Variants in SCUBE1 observed in about 807,000 individuals in gnomAD.
SCUBE1 encodes signal peptide, CUB domain and EGF like domain containing 1.
Under a neutral mutation model 124.4 loss-of-function variants are expected in SCUBE1, and 59 were observed. The ratio of observed to expected loss-of-function variants is 0.47; its 90% CI spans 0.38 to 0.59. The LOEUF is 0.59. Ranked by LOEUF, SCUBE1 falls within the 20% of genes least tolerant of loss-of-function variation. The pLI, the probability that SCUBE1 is intolerant of heterozygous loss-of-function variation, is 0.00. For missense variants in SCUBE1, 1,150 were observed against 1,371.2 expected (o/e 0.84, Z 2.55); for synonymous variants, 545 against 550.9 (o/e 0.99, Z 0.15).
At chr22:43,259,213 C>T (rs1923781202) in intron 5 of SCUBE1, among the ~76,000 whole-genome samples, 1 of 152,180 alleles carries the variant, frequency 6.6e-6, no homozygotes, top group African/African-American at 2.4e-5. Flanking sequence ...AAGTGCTCCC[C>T]AGGGGGTGCA....
rs185146861 is a variant in SCUBE1, at chr22:43,213,015, A to C, written c.2054-423T>G. ...TCAGGGTGACGCTGCCTGGTCTACC[A>C]GCAGGGCCAGGCCAGAGCAGAGGGA... On this transcript the variant is annotated intron_variant, in intron 16 of 21. Coordinates refer to ENST00000360835, the MANE Select transcript of SCUBE1 (RefSeq NM_173050.5). 11 of 224,688 alleles carry C rather than the reference A, an allele frequency of 4.9e-5. No individual in the cohort carries two copies. The East Asian group carries it at 1.7e-3, about 35-fold the overall frequency. 13.9% of individuals were successfully genotyped at this position (224,688 alleles called of 1,614,324 possible). A position where few individuals can be genotyped will look rare whatever the true frequency, so the allele number is the denominator to read the frequency against.
At chr22:43,312,583 C>G (rs1207629193) in intron 3 of SCUBE1, among the ~76,000 whole-genome samples, 1 of 152,220 alleles carries the variant, frequency 6.6e-6, no homozygotes, top group Non-Finnish European at 1.5e-5. Context: ...GGGCTCCGTA[C>G]AGTTGGATGG....
intron 13 of SCUBE1, 40 bp downstream of exon 13, chr22:43,221,133 G>A: frequency 6.6e-7 from 1 of 1,518,672 alleles, no homozygotes; most frequent in Non-Finnish European, 9.1e-7. Flanking sequence ...CTCTCCTACA[G>A]CCCCGTTGGT....
At position 43,208,123 on chromosome 22, in the gene SCUBE1, T is replaced by C. The variant is rs1392433529; in HGVS notation, c.2683A>G (p.Asn895Asp). Residue 895 changes from asparagine (N) to aspartate (D), a missense_variant, in exon 20 of 22, where the codon AAT (asparagine) becomes GAT (aspartate). Around this residue, in one of 3 missense-constraint regions of SCUBE1, gnomAD observed 757 missense variants for 840.9 expected, o/e 0.90. Coordinates refer to ENST00000360835, the MANE Select transcript of SCUBE1 (RefSeq NM_173050.5). ...AAGCCTTTGCCGCTGTTGCCTTCAT[T>C]GGATTTGAACTGGATCCAGAGCTTG... ...SRKLWIQFKSNEGNSGKGFQV... is the reference protein window; with the variant it reads ...SRKLWIQFKSDEGNSGKGFQV... 1.2e-6 allele frequency: 2 copies of C among 1,614,006 alleles called. No homozygotes were observed. Among genetic ancestry groups the C allele is most frequent in the Non-Finnish European group, 1.7e-6 (2 of 1,180,024 alleles).
Position 43,255,698 on chromosome 22 carries a change from C to T in SCUBE1, c.727+2521G>A. Reference sequence around the variant, plus strand: ...AAAGCCAACACAACACGCCGGCCAGCTCGGCATCCTCGCCAAGGGGCTAAT... The same window carrying T: ...AAAGCCAACACAACACGCCGGCCAGTTCGGCATCCTCGCCAAGGGGCTAAT... On this transcript the variant is annotated intron_variant, in intron 6 of 21. Coordinates refer to ENST00000360835, the MANE Select transcript of SCUBE1 (RefSeq NM_173050.5). This position sits in a 1 kb window ranked among gnomAD's most constrained non-coding sequence, Gnocchi z 4.7. 2 of 803,714 alleles carry T rather than the reference C, an allele frequency of 2.5e-6. No homozygotes were observed. Among genetic ancestry groups the T allele is most frequent in the Non-Finnish European group, 4.1e-6 (2 of 489,956 alleles). The allele number at this position is 803,714 out of a possible 1,614,324, so 49.8% of individuals were successfully genotyped here.
In SCUBE1 at chr22:43,303,287, C is replaced by G. The variant is rs577801432; in HGVS notation, c.350-12107G>C. Among the ~76,000 whole-genome samples the G allele has an allele frequency of 2.4e-3, 362 of 152,350 alleles. 1 individual carries two copies. The highest frequency in any genetic ancestry group is 7.6e-3 in the African/African-American group (315 of 41,588). On this transcript the variant is annotated intron_variant, in intron 3 of 21. Coordinates refer to ENST00000360835, the MANE Select transcript of SCUBE1 (RefSeq NM_173050.5). ...TCCTCACCTACCAGGTATCCTTGAG[C>G]GTGAGCGTCCTTGGCACACGCCAGG...
chr22:43,206,160 C>G (rs1312355944), intron 21 of SCUBE1, among the ~76,000 whole-genome samples: 1 of 138,486 alleles, frequency 7.2e-6, no homozygotes, highest in African/African-American at 2.7e-5. Context: ...ACACACCCCC[C>G]CAAACACACC....
chr22:43,269,932 C>CA (rs1924228500), intron 4 of SCUBE1, among the ~76,000 whole-genome samples: 1 of 152,192 alleles, frequency 6.6e-6, no homozygotes. Flanking sequence ...CTCCCACGTT[C>CA]ATCAGGGCTG....
At chr22:43,251,067 G>A (rs970089586) in intron 6 of SCUBE1, among the ~76,000 whole-genome samples, 25 of 152,280 alleles carry the variant, frequency 1.6e-4, no homozygotes, top group Admixed American at 1.3e-4. Flanking sequence ...GAGACTCACT[G>A]GAAAGCTGCC....
At chr22:43,291,471 C>CTACAGTGG (rs71186577) in intron 3 of SCUBE1, among the ~76,000 whole-genome samples, 92,683 of 150,174 alleles carry the variant, frequency 0.62, 30,634 homozygotes, top group Middle Eastern at 0.78. Flanking sequence ...TCGCGCTGTG[C>CTACAGTGG]TACAGTGGTA....
chr22:43,262,686 G>A (rs558703180), intron 5 of SCUBE1, 34 bp downstream of exon 5: 81 of 1,608,672 alleles, frequency 5.0e-5, no homozygotes, highest in South Asian at 2.1e-4. Flanking sequence ...GGAGACGCAC[G>A]GGACGTTTGA....
chr22:43,256,799 G>A (rs1282189977), intron 6 of SCUBE1, among the ~76,000 whole-genome samples: 6 of 152,186 alleles, frequency 3.9e-5, no homozygotes, highest in African/African-American at 9.7e-5. Context: ...TGGGTGGCCC[G>A]GGAGAGCCCC....
intron 9 of SCUBE1, among the ~76,000 whole-genome samples, chr22:43,228,759 T>C (rs139014): frequency 0.19 from 28,874 of 152,118 alleles, 2,940 homozygotes; most frequent in African/African-American, 0.24. Flanking sequence ...GGAATTTCCA[T>C]GTATTGGTGC....
At chr22:43,341,712 G>A (rs1051707243) in intron 1 of SCUBE1, among the ~76,000 whole-genome samples, 1 of 152,162 alleles carries the variant, frequency 6.6e-6, no homozygotes, top group Admixed American at 6.5e-5. Flanking sequence ...CCATGCTCCC[G>A]CTCCTGTCTG....
At chr22:43,302,441 C>T (rs78895448) in intron 3 of SCUBE1, among the ~76,000 whole-genome samples, 1,676 of 152,304 alleles carry the variant, frequency 0.011, 33 homozygotes, top group African/African-American at 0.038. Context: ...TTTGCTAGAC[C>T]ACCTATGGCA....
chr22:43,340,529 C>G lies in SCUBE1; in HGVS notation c.89-1294G>C, dbSNP rs34749738. ...ACACACACACACACACACACACACA[C>G]ACAGAGTTCAGGCAGGGAGGGGACG... On this transcript the variant is annotated intron_variant, in intron 1 of 21. Transcript: ENST00000360835. Among the ~76,000 whole-genome samples the G allele has an allele frequency of 2.5e-3, 330 of 134,664 alleles. 1 individual carries two copies. The highest frequency in any genetic ancestry group is 4.0e-3 in the Middle Eastern group (1 of 250). The allele number at this position is 134,664 out of a possible 152,430, so 88.3% of individuals were successfully genotyped here. A position where few individuals can be genotyped will look rare whatever the true frequency, so the allele number is the denominator to read the frequency against.
rs1045720099 is a variant in SCUBE1, at chr22:43,203,050, G to A, written c.*947C>T. On this transcript the variant is annotated 3_prime_UTR_variant, in exon 22 of 22. Coordinates refer to ENST00000360835, the MANE Select transcript of SCUBE1 (RefSeq NM_173050.5). ...GGGGAAGTGTCTTCCACTGAGTCTC[G>A]TCCAAGGGCAGTGATGTTGCTGGCA... 8 of 152,280 alleles carry A rather than the reference G, an allele frequency of 5.3e-5. No individual in the cohort carries two copies. The highest frequency in any genetic ancestry group is 1.9e-4 in the East Asian group (1 of 5,186). The allele number at this position is 152,280 out of a possible 1,614,324, so 9.4% of individuals were successfully genotyped here.
chr22:43,281,559 C>CTCCTCAGCCACCCTCCTGTCACCTCCT (rs371084124), intron 4 of SCUBE1, among the ~76,000 whole-genome samples: 2 of 88,670 alleles, frequency 2.3e-5, no homozygotes, highest in East Asian at 1.2e-3. Context: ...TGTCACCTCC[C>CTCCTCAGCCACCCTCCTGTCACCTCCT]CCTCAGCCAC....
chr22:43,253,348 T>C (rs576812362), intron 6 of SCUBE1, among the ~76,000 whole-genome samples: 1 of 152,318 alleles, frequency 6.6e-6, no homozygotes, highest in Non-Finnish European at 1.5e-5. Flanking sequence ...GGACTGACCC[T>C]TCTCAGAAGC....
Sources: allele counts gnomAD v4.1 joint callset (sites outside exome capture counted in the v4.1 genomes callset), GRCh38; gene constraint gnomAD v4.1.1; regional missense constraint gnomAD v4.1.1; non-coding constraint Gnocchi (gnomAD v3.1); transcripts MANE v1.5; gene names NCBI Gene and HGNC (gene_info 2026-07-23, HGNC 2026-07-21).